ARHGAP36: variants seen among roughly 807,000 people sequenced by gnomAD.
The protein encoded by ARHGAP36 is Rho GTPase activating protein 36, also known as rho GTPase-activating protein 36.
Under a neutral mutation model 32.9 loss-of-function variants are expected in ARHGAP36, and 7 were observed. That is an observed-to-expected ratio of 0.21 (90% CI 0.12 to 0.40). The LOEUF (loss-of-function observed/expected upper bound fraction) is 0.40. Among genes scored for constraint, ARHGAP36 ranks in the 10% least tolerant of loss-of-function variants. The pLI is 1.00. For synonymous variants in ARHGAP36, 165 were observed against 168.3 expected (o/e 0.98, Z 0.15); for missense variants, 383 against 442.2 (o/e 0.87, Z 1.20).
At chrX:131,078,045 G>A (rs751618120) in intron 1 of ARHGAP36, among the ~76,000 whole-genome samples, 1 of 111,062 alleles carries the variant, frequency 9.0e-6, no homozygotes, top group Non-Finnish European at 1.9e-5. Context: ...TAGTGGAGAA[G>A]AGTAGATTGT....
At chrX:131,086,235 C>T (rs1200582735) in intron 9 of ARHGAP36, 94 bp from the exon 10 acceptor site, 7 of 1,100,874 alleles carry the variant, frequency 6.4e-6, no homozygotes, top group Non-Finnish European at 8.7e-6. Flanking sequence ...CATTAGCTGG[C>T]CCTGGTACCT....
At chrX:131,059,804 A>G (rs748531476) in intron 1 of ARHGAP36, among the ~76,000 whole-genome samples, 5 of 111,844 alleles carry the variant, frequency 4.5e-5, no homozygotes, top group African/African-American at 1.3e-4. Flanking sequence ...CTCTAACAGT[A>G]TACCCTGAAA....
In ARHGAP36 at chrX:131,081,460, C is replaced by G. The variant is rs1394037655; in HGVS notation, c.-142-64C>G. Reference sequence around the variant, plus strand: ...TACTTTTTTTTTCTAATTAGGTTTTCTTTTTCCTGGACTATCTGTTAAGGG... The same window carrying G: ...TACTTTTTTTTTCTAATTAGGTTTTGTTTTTCCTGGACTATCTGTTAAGGG... On this transcript the variant is annotated intron_variant, in intron 1 of 11. Coordinates refer to ENST00000276211, the MANE Select transcript of ARHGAP36 (RefSeq NM_144967.4). 3.5e-6 allele frequency: 3 copies of G among 859,541 alleles called. No individual in the cohort carries two copies. The African/African-American group carries it at 6.7e-5, about 19-fold the overall frequency. 70.8% of individuals were successfully genotyped at this position (859,541 alleles called of 1,213,427 possible).
intron 1 of ARHGAP36, among the ~76,000 whole-genome samples, chrX:131,075,424 TG>T (rs2079756170): frequency 9.1e-6 from 1 of 110,356 alleles, no homozygotes; most frequent in Non-Finnish European, 1.9e-5. Context: ...GCTGTCAGGT[TG>T]GGGGTGGGCT....
intron 1 of ARHGAP36, among the ~76,000 whole-genome samples, chrX:131,064,743 T>A (rs937544994): frequency 9.9e-5 from 11 of 110,603 alleles, no homozygotes; most frequent in Admixed American, 9.6e-4. Flanking sequence ...TTCTCTGCCC[T>A]CCCCACATGG....
At position 131,079,537 on chromosome X, in the gene ARHGAP36, GTTTGTTT is replaced by G. The variant is rs373550484; in HGVS notation, c.-142-1962_-142-1956del. Among the ~76,000 whole-genome samples, 322 of 94,856 alleles carry G rather than the reference GTTTGTTT, an allele frequency of 3.4e-3. 3 individuals are homozygous for G. Among genetic ancestry groups the G allele is most frequent in the African/African-American group, 9.2e-3 (241 of 26,060 alleles). 82.4% of individuals were successfully genotyped at this position (94,856 alleles called of 115,157 possible). A position where few individuals can be genotyped will look rare whatever the true frequency, so the allele number is the denominator to read the frequency against. ...AAATTCAAGTATGGTTTATTTGTTT[GTTTGTTT>G]TTTGTTTTTTGTTTTTTGTTTTTTT... On this transcript the variant is annotated intron_variant, in intron 1 of 11. Coordinates refer to ENST00000276211, the MANE Select transcript of ARHGAP36 (RefSeq NM_144967.4).
At position 131,081,884 on chromosome X, in the gene ARHGAP36, C is replaced by T. The variant is rs1348028742; in HGVS notation, c.219C>T (p.Ala73=). The T allele has an allele frequency of 1.7e-6, 2 of 1,211,924 alleles. No homozygotes were observed. The highest frequency in any genetic ancestry group is 2.2e-6 in the Non-Finnish European group (2 of 895,588). ...AGACTGCTTACCACGAACTCGTGGC[C>T]AGACATTTCCTCTCCGAATTCAAAC... The part of the protein sequence containing the change: ...LQETAYHELV[A]RHFLSEFKPD... Residue 73 remains alanine (A), a synonymous_variant, in exon 2 of 12, where the codon GCC becomes GCT. Transcript: ENST00000276211.
intron 1 of ARHGAP36, among the ~76,000 whole-genome samples, chrX:131,077,807 T>TATATA (rs1569366758): frequency 2.5e-4 from 22 of 88,064 alleles, no homozygotes; most frequent in African/African-American, 1.3e-3. Context: ...ATATATATAT[T>TATATA]GCTAGTGACA....
At chrX:131,085,177 C>A in intron 7 of ARHGAP36, 113 bp downstream of exon 7, 1 of 762,089 alleles carries the variant, frequency 1.3e-6, no homozygotes, top group Admixed American at 4.2e-5. Context: ...GGCAAAATGA[C>A]CATAAGAAGA....
chrX:131,074,931 C>G (rs2079753419), intron 1 of ARHGAP36, among the ~76,000 whole-genome samples: 1 of 112,542 alleles, frequency 8.9e-6, no homozygotes, highest in African/African-American at 3.2e-5. Flanking sequence ...AGTTAGCTGC[C>G]TTGCATCTCT....
intron 1 of ARHGAP36, chrX:131,072,903 A>G (rs181285613): frequency 8.9e-6 from 1 of 112,308 alleles, no homozygotes; most frequent in East Asian, 2.8e-4. Context: ...GGCAGAGCCA[A>G]GCGCTGGCAG....
At chrX:131,067,145 A>T (rs1345252914) in intron 1 of ARHGAP36, among the ~76,000 whole-genome samples, 1 of 112,145 alleles carries the variant, frequency 8.9e-6, no homozygotes. Flanking sequence ...AGTTAGGTTT[A>T]AAAAAAATAA....
chrX:131,075,764 G>T (rs184733290), intron 1 of ARHGAP36, among the ~76,000 whole-genome samples: 150 of 110,377 alleles, frequency 1.4e-3, no homozygotes, highest in African/African-American at 4.6e-3. Context: ...AGGTAGTCTT[G>T]GTTTAGACTT....
At position 131,085,917 on chromosome X, in the gene ARHGAP36, C is replaced by A. The variant is rs746030228; in HGVS notation, c.1109C>A (p.Pro370Gln). The A allele has an allele frequency of 8.3e-7, 1 of 1,211,106 alleles. No individual in the cohort carries two copies. Among genetic ancestry groups the A allele is most frequent in the Admixed American group, 2.2e-5 (1 of 46,038 alleles). ...DSIGIDGQLV[P>Q]GNRMTSTNLA... ...TTTCTGCTTTCCTTTGCCTAGGTCC[C>A]AGGCAACCGTATGACTTCCACTAAC... The change falls in exon 9 of 12, where the codon CCA becomes CAA. Residue 370 changes from proline to glutamine, a missense_variant. Pro to Gln is a moderately conservative substitution (Grantham distance 76). Transcript: ENST00000276211.
At chrX:131,080,398 T>TAA (rs138310432) in intron 1 of ARHGAP36, among the ~76,000 whole-genome samples, 31 of 102,897 alleles carry the variant, frequency 3.0e-4, no homozygotes, top group African/African-American at 1.0e-3. Context: ...GTTAAATCTT[T>TAA]AAAAAAAAAA....
Position 131,081,798 on chromosome X carries a change from C to T in ARHGAP36, c.133C>T (p.Arg45Cys), listed in dbSNP as rs878929394. The change falls in exon 2 of 12, where the codon CGC becomes TGC. Residue 45 changes from arginine to cysteine, a missense_variant. This residue lies in a region of ARHGAP36 where 156 missense variants were observed against 131.0 expected (regional missense o/e 1.19). Coordinates refer to ENST00000276211, the MANE Select transcript of ARHGAP36 (RefSeq NM_144967.4). The stretch of plus-strand genomic sequence containing the variant: ...AGGAGCCCCAGGACACAACCCCGAC[C>T]GCAGGACGAAGATGGTATCGATACA... ...LGGAPGHNPD[R>C]RTKMVSIHSL... 8.3e-7 allele frequency: 1 copy of T among 1,212,048 alleles called. No homozygotes were observed. The highest frequency in any genetic ancestry group is 1.8e-5 in the South Asian group (1 of 56,994).
chrX:131,060,426 A>G (rs1034117215), intron 1 of ARHGAP36, among the ~76,000 whole-genome samples: 3 of 111,621 alleles, frequency 2.7e-5, no homozygotes, highest in African/African-American at 9.8e-5. Flanking sequence ...ACACACACAC[A>G]CGCTTCACAT....
intron 1 of ARHGAP36, among the ~76,000 whole-genome samples, chrX:131,075,621 ATATGTG>A (rs1349838875): frequency 1.1e-4 from 3 of 28,379 alleles, no homozygotes; most frequent in African/African-American, 3.2e-4. Flanking sequence ...GTGTGTATAT[ATATGTG>A]TGTGTGTGTG....
chrX:131,076,752 G>T (rs2079764750), intron 1 of ARHGAP36, among the ~76,000 whole-genome samples: 1 of 111,972 alleles, frequency 8.9e-6, no homozygotes, highest in Admixed American at 9.4e-5. Flanking sequence ...TGTGGTCTTG[G>T]GAAAACCCCT....
Sources: gnomAD v4.1 joint callset for allele counts (sites outside exome capture counted in the v4.1 genomes callset) on GRCh38, gnomAD v4.1.1 for gene constraint, gnomAD v4.1.1 regional missense constraint, MANE v1.5 for transcripts, NCBI Gene and HGNC (gene_info 2026-07-23, HGNC 2026-07-21) for gene names.